The following A4GALT variants were observed in gnomAD, a reference collection of about 807,000 sequenced individuals.
The protein encoded by A4GALT is alpha 1,4-galactosyltransferase (P1PK blood group).
For synonymous variants in A4GALT, 257 were observed against 220.7 expected, an observed-to-expected ratio of 1.16 and a Z score of -1.46; for missense variants, 512 against 486.0, an observed-to-expected ratio of 1.05 and a Z score of -0.50.
Position 42,693,693 on chromosome 22 carries a change from G to GGTCTGAA in A4GALT, c.252_258dup (p.Arg87PhefsTer198). 6.2e-7 allele frequency: 1 copy of GGTCTGAA among 1,602,126 alleles called. No homozygotes were observed. The highest frequency in any genetic ancestry group is 8.5e-7 in the Non-Finnish European group (1 of 1,173,654). Reference sequence around the variant, plus strand: ...ATGAACAGGAAGTTGGGGTTGGTCCGGTCTGAAGTCTCCAGGAAGAAGATG... The same window carrying GGTCTGAA: ...ATGAACAGGAAGTTGGGGTTGGTCCGGTCTGAAGTCTGAAGTCTCCAGGAAGAAGATG... On this transcript the variant is annotated frameshift_variant, in exon 3 of 3. Transcript: ENST00000642412. LOFTEE classifies it low-confidence loss of function (END_TRUNC).
chr22:42,704,866 C>T (rs1920967849), intron 1 of A4GALT, among the ~76,000 whole-genome samples: 1 of 20,558 alleles, frequency 4.9e-5, no homozygotes, highest in Admixed American at 8.3e-4. Context: ...GCAGACATGG[C>T]AATGGGGGGG....
At chr22:42,709,065 A>ATTTTTTT (rs972762721) in intron 1 of A4GALT, among the ~76,000 whole-genome samples, 12 of 93,600 alleles carry the variant, frequency 1.3e-4, no homozygotes, top group African/African-American at 3.6e-4. Context: ...ATATATATAT[A>ATTTTTTT]TATTTTTTTT....
chr22:42,711,149 A>C (rs1186765174), intron 1 of A4GALT, among the ~76,000 whole-genome samples: 1 of 152,212 alleles, frequency 6.6e-6, no homozygotes, highest in African/African-American at 2.4e-5. Flanking sequence ...CCAAAACAAA[A>C]TGGGCCAAAG....
At position 42,692,882 on chromosome 22, in the gene A4GALT, C is replaced by G. The variant is rs781133686; in HGVS notation, c.*8G>C. On this transcript the variant is annotated 3_prime_UTR_variant, in exon 3 of 3. Transcript: ENST00000642412. This position sits in a 1 kb window ranked among gnomAD's most constrained non-coding sequence, Gnocchi z 4.6. ...GGAGCAGGTTGGGGAGGTGACCTGGCGGGCCCCTCACAAGTACATTTTCAT... is the reference window on the plus strand; with the variant it reads ...GGAGCAGGTTGGGGAGGTGACCTGGGGGGCCCCTCACAAGTACATTTTCAT... 6.3e-7 allele frequency: 1 copy of G among 1,599,372 alleles called. No homozygotes were observed. The highest frequency in any genetic ancestry group is 1.7e-5 in the Admixed American group (1 of 59,978).
chr22:42,692,995 C>G lies in A4GALT; in HGVS notation c.957G>C (p.Lys319Asn), dbSNP rs566302617. The part of the protein sequence containing the change: ...SATYAVHVWN[K>N]KSQGTRFEAT... ...CCTCGAACCGCGTGCCCTGGCTCTT[C>G]TTGTTCCACACGTGGACAGCATAGG... is the stretch of plus-strand genomic sequence containing the variant. The change falls in exon 3 of 3, where the codon AAG becomes AAC. Residue 319 changes from lysine (K) to asparagine (N), a missense_variant. Lys to Asn is a moderately conservative substitution (Grantham distance 94, BLOSUM62 0). Coordinates refer to ENST00000642412, the MANE Select transcript of A4GALT (RefSeq NM_017436.7). The surrounding 1 kb of genome is among the most constrained non-coding windows in gnomAD (Gnocchi z 4.6). 4 of 1,613,534 alleles carry G rather than the reference C, an allele frequency of 2.5e-6. No homozygotes were observed. Among genetic ancestry groups the G allele is most frequent in the Non-Finnish European group, 3.4e-6 (4 of 1,179,996 alleles).
chr22:42,708,694 C>T (rs1162890082), intron 1 of A4GALT, among the ~76,000 whole-genome samples: 2 of 152,034 alleles, frequency 1.3e-5, no homozygotes, highest in Non-Finnish European at 2.9e-5. Flanking sequence ...ACCAACTAAC[C>T]TAATCAAGAT....
chr22:42,702,617 G>C (rs548145150), intron 1 of A4GALT, among the ~76,000 whole-genome samples: 15 of 152,294 alleles, frequency 9.8e-5, no homozygotes, highest in Admixed American at 9.8e-4. Flanking sequence ...GATTACAGGC[G>C]TGAGCCGCCG....
At chr22:42,703,081 G>A (rs1602002941) in intron 1 of A4GALT, among the ~76,000 whole-genome samples, 1 of 143,404 alleles carries the variant, frequency 7.0e-6, no homozygotes, top group Non-Finnish European at 1.5e-5. Context: ...GTGTGTGTGT[G>A]TGTGAGAGAG....
intron 1 of A4GALT, among the ~76,000 whole-genome samples, chr22:42,710,682 G>A (rs1921604214): frequency 6.7e-6 from 1 of 149,760 alleles, no homozygotes. Context: ...GGGCAACAGA[G>A]CAAGACTCCA....
At chr22:42,702,279 C>T (rs1490867243) in intron 1 of A4GALT, among the ~76,000 whole-genome samples, 1 of 151,356 alleles carries the variant, frequency 6.6e-6, no homozygotes, top group Non-Finnish European at 1.5e-5. Context: ...TGTGCAGCCG[C>T]TGTTGAGGAC....
intron 1 of A4GALT, among the ~76,000 whole-genome samples, chr22:42,706,686 T>A (rs890994006): frequency 1.3e-5 from 2 of 151,280 alleles, no homozygotes; most frequent in Admixed American, 1.3e-4. Flanking sequence ...TCCCAGCTAC[T>A]TGGGAGGCTG....
Position 42,693,415 on chromosome 22 carries a change from C to T in A4GALT, c.537G>A (p.Arg179=). 6.2e-7 allele frequency: 1 copy of T among 1,613,356 alleles called. No homozygotes were observed. Among genetic ancestry groups the T allele is most frequent in the Non-Finnish European group, 8.5e-7 (1 of 1,179,984 alleles). Residue 179 remains arginine (R), a synonymous_variant, in exon 3 of 3, where the codon AGG becomes AGA. Coordinates refer to ENST00000642412, the MANE Select transcript of A4GALT (RefSeq NM_017436.7). The part of the protein sequence containing the change: ...YLLPVLSDAS[R]IALMWKFGGI... ...CGCCGAACTTCCACATGAGTGCGAT[C>T]CTGGAGGCGTCGGAGAGCACGGGCA...
At chr22:42,706,332 G>A (rs1921119824) in intron 1 of A4GALT, among the ~76,000 whole-genome samples, 1 of 130,552 alleles carries the variant, frequency 7.7e-6, no homozygotes, top group Non-Finnish European at 1.5e-5. Flanking sequence ...TCCAGCCTGG[G>A]TGACAGAGCG....
chr22:42,705,746 T>C (rs1921022137), intron 1 of A4GALT, among the ~76,000 whole-genome samples: 1 of 125,402 alleles, frequency 8.0e-6, no homozygotes, highest in African/African-American at 2.6e-5. Context: ...CTCACACCTG[T>C]AATCCCAGCA....
intron 1 of A4GALT, among the ~76,000 whole-genome samples, chr22:42,697,950 G>C (rs530630375): frequency 6.6e-6 from 1 of 152,304 alleles, no homozygotes; most frequent in South Asian, 2.1e-4. Flanking sequence ...AGTGAGGAGA[G>C]AGGAGAGGTG....
intron 1 of A4GALT, among the ~76,000 whole-genome samples, chr22:42,703,950 C>T (rs1920948771): frequency 6.6e-6 from 1 of 152,154 alleles, no homozygotes; most frequent in South Asian, 2.1e-4. Flanking sequence ...CCCACCTCTG[C>T]CCCTCCCTGG....
chr22:42,693,301 G>A lies in A4GALT; in HGVS notation c.651C>T (p.Asn217=), dbSNP rs748091098. Residue 217 remains asparagine (N), a synonymous_variant, in exon 3 of 3, where the codon AAC becomes AAT. Coordinates refer to ENST00000642412, the MANE Select transcript of A4GALT (RefSeq NM_017436.7). ...GGCGCTCGAAGGCCAGGAACGCGCC[G>A]TTGAGGACGTAGCGGGACTGGGTGC... The part of the protein sequence containing the change: ...VLGTQSRYVL[N]GAFLAFERRH... 23 of 1,613,002 alleles carry A rather than the reference G, an allele frequency of 1.4e-5. No homozygotes were observed. Among genetic ancestry groups the A allele is most frequent in the Middle Eastern group, 1.6e-4 (1 of 6,084 alleles).
chr22:42,715,772 C>T (rs1454224985), intron 1 of A4GALT, among the ~76,000 whole-genome samples: 2 of 151,980 alleles, frequency 1.3e-5, no homozygotes, highest in Admixed American at 6.6e-5. Flanking sequence ...CCCCCTTCAG[C>T]CTCCTAAAGT....
At chr22:42,699,563 C>T (rs1931164142) in intron 1 of A4GALT, among the ~76,000 whole-genome samples, 1 of 152,128 alleles carries the variant, frequency 6.6e-6, no homozygotes, top group Non-Finnish European at 1.5e-5. Context: ...ACTTGGAGAG[C>T]CCCATGCAGG....
Sources: gnomAD v4.1 joint callset for allele counts (sites outside exome capture counted in the v4.1 genomes callset) on GRCh38, gnomAD v4.1.1 for gene constraint, Gnocchi (gnomAD v3.1) non-coding constraint, MANE v1.5 for transcripts, NCBI Gene and HGNC (gene_info 2026-07-23, HGNC 2026-07-21) for gene names.